Variants in EXOC4 observed in about 807,000 individuals in gnomAD.
The protein encoded by EXOC4 is exocyst complex component 4.
Under a neutral mutation model 107.2 loss-of-function variants are expected in EXOC4, and 71 were observed. The ratio of observed to expected loss-of-function variants is 0.66; its 90% CI spans 0.55 to 0.81. The LOEUF is 0.81. Among genes scored for constraint, EXOC4 ranks in the 30% least tolerant of loss-of-function variants. The probability of loss-of-function intolerance (pLI) is 0.00; values close to 1 mark genes in which losing one functional copy is unlikely to be tolerated. For missense variants in EXOC4, 1,108 were observed against 1,189.6 expected (o/e 0.93, Z 1.01); for synonymous variants, 456 against 441.2 (o/e 1.03, Z -0.42).
intron 9 of EXOC4, among the ~76,000 whole-genome samples, chr7:133,484,626 G>C (rs1034935503): frequency 6.6e-6 from 1 of 152,052 alleles, no homozygotes; most frequent in Admixed American, 6.5e-5. Flanking sequence ...TTCTGCCTCA[G>C]ATTTCTCATA....
Position 133,991,567 on chromosome 7 carries a change from A to G in EXOC4, c.2207-5925A>G, listed in dbSNP as rs189344108. On this transcript the variant is annotated intron_variant, in intron 14 of 17. Transcript: ENST00000253861. ...CATTTCCCCAATGCTTTTTTCTAGT[A>G]ATTTCATAGTTTTTAGGTCTTATGT... 2.4e-3 allele frequency among the ~76,000 whole-genome samples: 359 copies of G among 152,108 alleles called. 2 individuals carry two copies. The highest frequency in any genetic ancestry group is 6.5e-3 in the Admixed American group (100 of 15,276).
At chr7:134,079,462 C>G in the EXOC4 span, among the ~76,000 whole-genome samples, 49 of 152,194 alleles carry the variant, frequency 3.2e-4, 1 homozygote, top group Middle Eastern at 3.4e-3. Flanking sequence ...TACCAGCCCA[C>G]CACATGTCTT....
At chr7:133,422,522 A>G (rs1797629659) in intron 7 of EXOC4, among the ~76,000 whole-genome samples, 2 of 152,236 alleles carry the variant, frequency 1.3e-5, no homozygotes, top group South Asian at 2.1e-4. Flanking sequence ...AGTTTGCATT[A>G]CATAATAAAA....
intron 7 of EXOC4, among the ~76,000 whole-genome samples, chr7:133,384,158 A>C (rs1218516610): frequency 1.3e-5 from 2 of 152,274 alleles, no homozygotes; most frequent in East Asian, 3.9e-4. Context: ...TGTCTAATGC[A>C]TAGTGAAGTG....
chr7:134,072,414 G>A, the EXOC4 span, among the ~76,000 whole-genome samples: 1 of 152,160 alleles, frequency 6.6e-6, no homozygotes, highest in Non-Finnish European at 1.5e-5. Context: ...TGTTTTCGAG[G>A]CAGGGTCTCG....
chr7:133,823,444 G>A (rs988067286), intron 11 of EXOC4, among the ~76,000 whole-genome samples: 2 of 152,112 alleles, frequency 1.3e-5, no homozygotes, highest in African/African-American at 2.4e-5. Context: ...CCAACATGCA[G>A]CCAGAATTTG....
At position 133,565,327 on chromosome 7, in the gene EXOC4, A is replaced by C. The variant is rs1377537558; in HGVS notation, c.1418-64718A>C. ...AGTAGTCAATAATTATAGTCTCCTC[A>C]TGGGGTTATGATCATTAAAAAGAAA... On this transcript the variant is annotated intron_variant, in intron 9 of 17. Coordinates refer to ENST00000253861, the MANE Select transcript of EXOC4 (RefSeq NM_021807.4). Among the ~76,000 whole-genome samples the C allele has an allele frequency of 2.6e-5, 4 of 152,294 alleles. No homozygotes were observed. In the East Asian group the frequency reaches 5.8e-4, roughly 22 times the overall value.
intron 9 of EXOC4, among the ~76,000 whole-genome samples, chr7:133,556,619 A>C (rs1056465833): frequency 2.0e-5 from 3 of 146,602 alleles, no homozygotes; most frequent in Non-Finnish European, 4.6e-5. Flanking sequence ...TGTGTATGAT[A>C]AACATTTCTG....
intron 10 of EXOC4, among the ~76,000 whole-genome samples, chr7:133,741,681 A>G (rs892458861): frequency 3.3e-5 from 5 of 152,240 alleles, no homozygotes; most frequent in East Asian, 3.8e-4. Flanking sequence ...AGGTCATTCA[A>G]AATCCTAAAG....
chr7:133,689,712 G>A (rs953338526), intron 10 of EXOC4, among the ~76,000 whole-genome samples: 8 of 152,186 alleles, frequency 5.3e-5, no homozygotes, highest in African/African-American at 1.7e-4. Flanking sequence ...TGCTAAAACT[G>A]GACTGAAGGA....
intron 17 of EXOC4, among the ~76,000 whole-genome samples, chr7:134,027,302 C>T (rs1383068253): frequency 2.6e-5 from 4 of 152,082 alleles, no homozygotes; most frequent in Admixed American, 6.5e-5. Context: ...CTACCCCATC[C>T]GCACTTCTGT....
chr7:133,294,190 T>C (rs1245056497), intron 3 of EXOC4, among the ~76,000 whole-genome samples: 1 of 152,202 alleles, frequency 6.6e-6, no homozygotes, highest in Non-Finnish European at 1.5e-5. Flanking sequence ...GAAGAATTAT[T>C]AATATAAGAA....
chr7:134,016,321 A>C (rs1234628710), intron 17 of EXOC4, among the ~76,000 whole-genome samples: 1 of 152,148 alleles, frequency 6.6e-6, no homozygotes, highest in Non-Finnish European at 1.5e-5. Context: ...CTGTAGGTAG[A>C]TGGAGAGTAA....
intron 10 of EXOC4, among the ~76,000 whole-genome samples, chr7:133,712,439 CAAAAAAAAAAAAA>C (rs58629398): frequency 3.6e-4 from 11 of 30,226 alleles, no homozygotes; most frequent in East Asian, 3.5e-3. Context: ...AACTCTGTCT[CAAAAAAAAAAAAA>C]AAAAAAAAAA....
intron 9 of EXOC4, among the ~76,000 whole-genome samples, chr7:133,492,713 T>C (rs543375160): frequency 6.6e-6 from 1 of 152,296 alleles, no homozygotes; most frequent in South Asian, 2.1e-4. Context: ...CTTAAGAATA[T>C]GAATTCTTTA....
intron 12 of EXOC4, among the ~76,000 whole-genome samples, chr7:133,909,756 A>G (rs1425590238): frequency 2.0e-5 from 3 of 152,052 alleles, no homozygotes; most frequent in Admixed American, 6.6e-5. Flanking sequence ...GAGGCTAGAG[A>G]ATTTGAATTT....
chr7:133,616,968 C>T (rs887327775), intron 9 of EXOC4, among the ~76,000 whole-genome samples: 1 of 152,028 alleles, frequency 6.6e-6, no homozygotes, highest in Admixed American at 6.6e-5. Flanking sequence ...ATCTGGTTGC[C>T]TTATTTTATT....
At chr7:133,755,234 A>T (rs1365380592) in intron 10 of EXOC4, among the ~76,000 whole-genome samples, 136 of 108,026 alleles carry the variant, frequency 1.3e-3, no homozygotes, top group Middle Eastern at 8.2e-3. Context: ...ATATATATAT[A>T]ATATATATAA....
chr7:133,847,537 A>ATTTT (rs34297470), intron 11 of EXOC4, among the ~76,000 whole-genome samples: 8 of 127,190 alleles, frequency 6.3e-5, no homozygotes, highest in African/African-American at 2.4e-4. Context: ...TACACCAGCT[A>ATTTT]TTTTTTTTTT....
Sources: gnomAD v4.1 joint callset for allele counts (sites outside exome capture counted in the v4.1 genomes callset) on GRCh38, gnomAD v4.1.1 for gene constraint, MANE v1.5 for transcripts, NCBI Gene and HGNC (gene_info 2026-07-23, HGNC 2026-07-21) for gene names.